Variants in CD99 observed in about 807,000 individuals in gnomAD.
The protein encoded by CD99 is CD99 molecule (Xg blood group).
A neutral mutation model predicts 28.4 loss-of-function variants in CD99; 19 were observed. That is an observed-to-expected ratio of 0.67 (90% CI 0.47 to 0.98). CD99 has a LOEUF of 0.98. Among genes scored for constraint, CD99 ranks in the 50% least tolerant of loss-of-function variants. The probability of loss-of-function intolerance (pLI) is 0.00; values close to 1 mark genes in which losing one functional copy is unlikely to be tolerated. For missense variants in CD99, 283 were observed against 248.8 expected, an observed-to-expected ratio of 1.14 and a Z score of -0.92; for synonymous variants, 103 against 92.1, an observed-to-expected ratio of 1.12 and a Z score of -0.67.
intron 3 of CD99, chrX:2,719,421 G>T: frequency 1.8e-6 from 1 of 545,428 alleles, no homozygotes; most frequent in South Asian, 2.9e-5. Context: ...TCCTCTGAGA[G>T]CTTCTCTCCT....
At chrX:2,720,517 G>A in intron 5 of CD99, 93 bp downstream of exon 5, 2 of 1,198,248 alleles carry the variant, frequency 1.7e-6, no homozygotes, top group Non-Finnish European at 2.5e-6. Flanking sequence ...AGATGAGTGT[G>A]TGCTTACTGT....
At chrX:2,734,797 T>G (rs1182965175) in intron 8 of CD99, among the ~76,000 whole-genome samples, 2 of 151,790 alleles carry the variant, frequency 1.3e-5, no homozygotes, top group Non-Finnish European at 2.9e-5. Flanking sequence ...TTATTTTCCT[T>G]TTTTTTTCAT....
intron 8 of CD99, among the ~76,000 whole-genome samples, chrX:2,729,525 C>A (rs2049480991): frequency 6.6e-6 from 1 of 152,012 alleles, no homozygotes; most frequent in South Asian, 2.1e-4. Flanking sequence ...GTTCAGTGAC[C>A]CCAACCTGGT....
chrX:2,705,986 G>A (rs2048093821), intron 1 of CD99, among the ~76,000 whole-genome samples: 1 of 150,818 alleles, frequency 6.6e-6, no homozygotes, highest in African/African-American at 2.4e-5. Flanking sequence ...CCTTCCCGAG[G>A]CCCCCCAAAC....
chrX:2,697,594 G>A (rs988822672), intron 1 of CD99, among the ~76,000 whole-genome samples: 6 of 152,130 alleles, frequency 3.9e-5, no homozygotes, highest in Admixed American at 1.3e-4. Context: ...AGGAGCTTTC[G>A]TTTCTGCACG....
At chrX:2,719,599 A>G in intron 3 of CD99, 62 bp from the exon 4 acceptor site, 1 of 1,372,336 alleles carries the variant, frequency 7.3e-7, no homozygotes, top group Non-Finnish European at 1.0e-6. Context: ...TCTGTTCACG[A>G]GGTCATTCCT....
At chrX:2,738,992 C>T (rs1380249837) in intron 9 of CD99, among the ~76,000 whole-genome samples, 2 of 151,884 alleles carry the variant, frequency 1.3e-5, no homozygotes, top group Non-Finnish European at 2.9e-5. Flanking sequence ...GAACCACAGG[C>T]GTGCACCACC....
intron 3 of CD99, among the ~76,000 whole-genome samples, chrX:2,718,902 A>G (rs1454472102): frequency 6.6e-6 from 1 of 152,166 alleles, no homozygotes; most frequent in East Asian, 1.9e-4. Flanking sequence ...CTCATGAGCA[A>G]AGGGACCCTG....
intron 1 of CD99, among the ~76,000 whole-genome samples, chrX:2,706,736 C>T (rs2048135010): frequency 6.6e-6 from 1 of 152,126 alleles, no homozygotes; most frequent in South Asian, 2.1e-4. Context: ...TCCCTGGCTG[C>T]TGCTGTTACT....
Position 2,741,143 on chromosome X carries a change from C to T in CD99, c.*339C>T, listed in dbSNP as rs934907139. 2.8e-5 allele frequency: 10 copies of T among 359,422 alleles called. No homozygotes were observed. Among genetic ancestry groups the T allele is most frequent in the African/African-American group, 1.9e-4 (9 of 48,620 alleles). 22.3% of individuals were successfully genotyped at this position (359,422 alleles called of 1,614,324 possible). On this transcript the variant is annotated 3_prime_UTR_variant, in exon 10 of 10. Coordinates refer to ENST00000381192, the MANE Select transcript of CD99 (RefSeq NM_002414.5). ...ACCCCCCCGTCCCCCAGAATCTTGG[C>T]TGTTTACAAATCACGTGTCCATCGA...
At chrX:2,724,058 T>G (rs2049146472) in intron 7 of CD99, among the ~76,000 whole-genome samples, 1 of 143,522 alleles carries the variant, frequency 7.0e-6, no homozygotes, top group Non-Finnish European at 1.5e-5. Context: ...TAGTCTACCC[T>G]TGTTTTAGGT....
At position 2,713,496 on chromosome X, in the gene CD99, AATAC is replaced by A. The variant is rs1304917311; in HGVS notation, c.68-919_68-916del. Among the ~76,000 whole-genome samples, 9 of 152,218 alleles carry A rather than the reference AATAC, an allele frequency of 5.9e-5. No individual in the cohort carries two copies. The South Asian group carries it at 6.2e-4, about 11-fold the overall frequency. ...CCCATACATGCACACAAAACCCACA[AATAC>A]ATACATGTGCACTGCAAATGCCCAA... On this transcript the variant is annotated intron_variant, in intron 1 of 9. Coordinates refer to ENST00000381192, the MANE Select transcript of CD99 (RefSeq NM_002414.5).
At chrX:2,710,717 A>C (rs1370658433) in intron 1 of CD99, among the ~76,000 whole-genome samples, 1 of 152,078 alleles carries the variant, frequency 6.6e-6, no homozygotes, top group Non-Finnish European at 1.5e-5. Context: ...TTTAGAAGTC[A>C]CGTCTACCGC....
intron 1 of CD99, among the ~76,000 whole-genome samples, chrX:2,713,361 C>G (rs1360562348): frequency 3.3e-5 from 5 of 151,368 alleles, no homozygotes; most frequent in African/African-American, 9.8e-5. Flanking sequence ...TCCACACTTA[C>G]ACAAAACACG....
chrX:2,717,575 T>C, intron 2 of CD99, 30 bp from the exon 3 acceptor site: 1 of 1,591,732 alleles, frequency 6.3e-7, no homozygotes, highest in East Asian at 2.2e-5. Context: ...AGCTGCAACT[T>C]TTACTAACTG....
intron 3 of CD99, 169 bp from the exon 4 acceptor site, chrX:2,719,492 G>A (rs1448976875): frequency 2.9e-6 from 2 of 682,874 alleles, no homozygotes; most frequent in Non-Finnish European, 5.3e-6. Flanking sequence ...GAATAGTGAT[G>A]TAAAAATGGT....
chrX:2,728,613 C>T (rs1418499378), intron 8 of CD99, among the ~76,000 whole-genome samples: 1 of 152,146 alleles, frequency 6.6e-6, no homozygotes, highest in African/African-American at 2.4e-5. Flanking sequence ...AAGCAAACAG[C>T]ATAACATTCT....
chrX:2,708,387 C>T (rs2048222862), intron 1 of CD99, among the ~76,000 whole-genome samples: 1 of 151,912 alleles, frequency 6.6e-6, no homozygotes, highest in Non-Finnish European at 1.5e-5. Flanking sequence ...GTTAGTCACC[C>T]GAGGAGAAAA....
intron 1 of CD99, among the ~76,000 whole-genome samples, chrX:2,703,789 G>C (rs2047992686): frequency 6.6e-6 from 1 of 152,070 alleles, no homozygotes; most frequent in Non-Finnish European, 1.5e-5. Context: ...GTCGGGGAGT[G>C]GCTGGGATGA....
Sources: gnomAD v4.1 joint callset for allele counts (sites outside exome capture counted in the v4.1 genomes callset) on GRCh38, gnomAD v4.1.1 for gene constraint, MANE v1.5 for transcripts, NCBI Gene and HGNC (gene_info 2026-07-23, HGNC 2026-07-21) for gene names.